Variants in NRXN1 observed in about 807,000 individuals in gnomAD.
The protein encoded by NRXN1 is neurexin 1.
A neutral mutation model predicts 150.9 loss-of-function variants in NRXN1; 39 were observed. The ratio of observed to expected loss-of-function variants is 0.26; its 90% CI spans 0.20 to 0.34. The LOEUF (loss-of-function observed/expected upper bound fraction) is 0.34. Among genes scored for constraint, NRXN1 ranks in the 10% least tolerant of loss-of-function variants. The pLI, the probability that NRXN1 is intolerant of heterozygous loss-of-function variation, is 1.00. For synonymous variants in NRXN1, 924 were observed against 757.0 expected, an observed-to-expected ratio of 1.22 and a Z score of -3.62; for missense variants, 1,815 against 1,949.9, an observed-to-expected ratio of 0.93 and a Z score of 1.30.
At chr2:50,600,485 C>T (rs143239187) in intron 8 of NRXN1, among the ~76,000 whole-genome samples, 5,301 of 151,916 alleles carry the variant, frequency 0.035, 122 homozygotes, top group Non-Finnish European at 0.053. Flanking sequence ...CCACCATGTC[C>T]GGCTAATTTT....
At position 50,266,536 on chromosome 2, in the gene NRXN1, T is replaced by TACACAC. The variant is rs67570666; in HGVS notation, c.3365-29572_3365-29567dup. On this transcript the variant is annotated intron_variant, in intron 17 of 22. Coordinates refer to ENST00000401669, the MANE Select transcript of NRXN1 (RefSeq NM_001330078.2). Reference sequence around the variant, plus strand: ...AAATATATTTATATATGTATATAAATACACACACACACACACACACACACA... The same window carrying TACACAC: ...AAATATATTTATATATGTATATAAATACACACACACACACACACACACACACACACA... 9.1e-3 allele frequency among the ~76,000 whole-genome samples: 1,029 copies of TACACAC among 112,772 alleles called. 13 individuals are homozygous for TACACAC. The highest frequency in any genetic ancestry group is 0.029 in the African/African-American group (910 of 31,446). The allele number at this position is 112,772 out of a possible 152,430, so 74.0% of individuals were successfully genotyped here. A position where few individuals can be genotyped will look rare whatever the true frequency, so the allele number is the denominator to read the frequency against.
intron 17 of NRXN1, among the ~76,000 whole-genome samples, chr2:50,424,100 C>T (rs1362131584): frequency 1.4e-5 from 2 of 138,316 alleles, no homozygotes; most frequent in African/African-American, 5.3e-5. Flanking sequence ...GATTCTTTAC[C>T]TTACATGAGA....
chr2:50,158,085 G>C (rs1369830402), intron 18 of NRXN1, among the ~76,000 whole-genome samples: 1 of 150,610 alleles, frequency 6.6e-6, no homozygotes, highest in Non-Finnish European at 1.5e-5. Context: ...GTGTGTGTGT[G>C]TGTGTGTGTG....
chr2:50,889,473 T>C (rs374814517), intron 5 of NRXN1, among the ~76,000 whole-genome samples: 1 of 151,742 alleles, frequency 6.6e-6, no homozygotes, highest in Non-Finnish European at 1.5e-5. Context: ...TTGTTTCCCA[T>C]CTAAACAAAG....
intron 18 of NRXN1, among the ~76,000 whole-genome samples, chr2:50,219,361 A>G (rs1410175089): frequency 4.8e-4 from 35 of 72,726 alleles, no homozygotes; most frequent in African/African-American, 1.1e-3. Flanking sequence ...GTTTTGGGGA[A>G]AAAAAAAAAA....
chr2:50,301,233 C>T (rs2074120807), intron 17 of NRXN1, among the ~76,000 whole-genome samples: 1 of 152,134 alleles, frequency 6.6e-6, no homozygotes, highest in South Asian at 2.1e-4. Context: ...CACACTATAG[C>T]CCTTACCATG....
intron 5 of NRXN1, among the ~76,000 whole-genome samples, chr2:50,655,463 C>G (rs1376068716): frequency 6.6e-6 from 1 of 151,944 alleles, no homozygotes; most frequent in Non-Finnish European, 1.5e-5. Context: ...AGAATAAAAT[C>G]TGACCCAGTC....
In NRXN1 at chr2:50,653,362, T is replaced by C. The variant is rs182581918; in HGVS notation, c.833-29747A>G. 2.8e-3 allele frequency among the ~76,000 whole-genome samples: 429 copies of C among 152,194 alleles called. 6 individuals are homozygous for C. The highest frequency in any genetic ancestry group is 0.024 in the Admixed American group (371 of 15,262). ...AACCTGATTGGCTGCAGTCAATGTTTGCCTTATATAGTCGTATTTGGCAGC... is the reference window on the plus strand; with the variant it reads ...AACCTGATTGGCTGCAGTCAATGTTCGCCTTATATAGTCGTATTTGGCAGC... On this transcript the variant is annotated intron_variant, in intron 5 of 22. Transcript: ENST00000401669.
intron 18 of NRXN1, among the ~76,000 whole-genome samples, chr2:50,111,031 G>A (rs1158610055): frequency 2.6e-5 from 4 of 152,070 alleles, no homozygotes; most frequent in South Asian, 2.1e-4. Flanking sequence ...ACTTTAAGGT[G>A]CAAATGGGTT....
intron 9 of NRXN1, among the ~76,000 whole-genome samples, chr2:50,546,561 C>T (rs988600193): frequency 3.3e-5 from 5 of 151,774 alleles, no homozygotes; most frequent in African/African-American, 1.2e-4. Context: ...CTAACTGCAA[C>T]TATATAAAAT....
intron 18 of NRXN1, among the ~76,000 whole-genome samples, chr2:50,179,838 G>A (rs1038983327): frequency 3.3e-5 from 5 of 151,986 alleles, no homozygotes; most frequent in African/African-American, 7.2e-5. Context: ...AGAGCTAGAC[G>A]TCCAGGCAGA....
At chr2:50,962,353 T>A (rs953140138) in intron 2 of NRXN1, among the ~76,000 whole-genome samples, 4 of 151,728 alleles carry the variant, frequency 2.6e-5, no homozygotes, top group Non-Finnish European at 4.4e-5. Flanking sequence ...GTTTCTTTTT[T>A]AGTAGTTGCT....
chr2:50,256,024 C>T (rs186179163), intron 17 of NRXN1, among the ~76,000 whole-genome samples: 6 of 152,194 alleles, frequency 3.9e-5, no homozygotes, highest in East Asian at 1.9e-4. Flanking sequence ...TTAACAGTAA[C>T]GCTGTCTAAA....
At chr2:50,944,204 C>T (rs894042915) in intron 2 of NRXN1, among the ~76,000 whole-genome samples, 10 of 152,012 alleles carry the variant, frequency 6.6e-5, no homozygotes, top group African/African-American at 2.4e-4. Flanking sequence ...AAAATAAAAG[C>T]AAATCTTGGA....
intron 5 of NRXN1, among the ~76,000 whole-genome samples, chr2:50,643,398 T>A (rs1271315080): frequency 2.0e-5 from 3 of 152,014 alleles, no homozygotes; most frequent in African/African-American, 4.8e-5. Context: ...CTCTTCTGTA[T>A]ACAATTTTTA....
At chr2:50,505,367 A>T (rs1369653678) in intron 13 of NRXN1, among the ~76,000 whole-genome samples, 1 of 152,114 alleles carries the variant, frequency 6.6e-6, no homozygotes, top group African/African-American at 2.4e-5. Context: ...ACTTCATAGG[A>T]CTCTAATATT....
intron 8 of NRXN1, among the ~76,000 whole-genome samples, chr2:50,595,918 G>C (rs779661728): frequency 1.3e-5 from 2 of 152,190 alleles, no homozygotes; most frequent in Non-Finnish European, 2.9e-5. Flanking sequence ...CTGTGTTATA[G>C]AGGCTCTTAT....
chr2:50,492,584 C>T (rs1268499975), intron 15 of NRXN1, among the ~76,000 whole-genome samples: 1 of 152,060 alleles, frequency 6.6e-6, no homozygotes, highest in Non-Finnish European at 1.5e-5. Flanking sequence ...AGAAATTCTA[C>T]TTCCCCTTGC....
intron 8 of NRXN1, among the ~76,000 whole-genome samples, chr2:50,574,983 G>C (rs1671184584): frequency 6.6e-6 from 1 of 152,154 alleles, no homozygotes; most frequent in African/African-American, 2.4e-5. Flanking sequence ...TGCTCTCAGA[G>C]CATACTCACT....
Sources: allele counts gnomAD v4.1 joint callset (sites outside exome capture counted in the v4.1 genomes callset), GRCh38; gene constraint gnomAD v4.1.1; transcripts MANE v1.5; gene names NCBI Gene and HGNC (gene_info 2026-07-23, HGNC 2026-07-21).